Variants in TTC28 observed in about 807,000 individuals in gnomAD.
TTC28 encodes tetratricopeptide repeat protein 28.
Under a neutral mutation model 198.0 loss-of-function variants are expected in TTC28, and 61 were observed. The observed-to-expected ratio is 0.31, with a 90% confidence interval of 0.25 to 0.38. TTC28 has a LOEUF of 0.38. Among genes scored for constraint, TTC28 ranks in the 10% least tolerant of loss-of-function variants. The pLI is 1.00. For synonymous variants in TTC28, 1,171 were observed against 1,297.8 expected (o/e 0.90, Z 2.10); for missense variants, 2,678 against 3,164.0 (o/e 0.85, Z 3.69).
At chr22:28,001,866 G>T in intron 14 of TTC28, 1 of 313,680 alleles carries the variant, frequency 3.2e-6, no homozygotes, top group Non-Finnish European at 6.1e-6. Flanking sequence ...GTACCGCACA[G>T]GCACCCTGAG....
intron 3 of TTC28, among the ~76,000 whole-genome samples, chr22:28,302,748 C>G (rs368582908): frequency 6.6e-6 from 1 of 152,084 alleles, no homozygotes; most frequent in Non-Finnish European, 1.5e-5. Flanking sequence ...GATCTCAGCT[C>G]GCTGCAACCT....
intron 5 of TTC28, among the ~76,000 whole-genome samples, chr22:28,219,807 G>C (rs1927711910): frequency 6.6e-6 from 1 of 152,172 alleles, no homozygotes; most frequent in Non-Finnish European, 1.5e-5. Flanking sequence ...GAAAATGTTT[G>C]TATTTTCTGC....
intron 2 of TTC28, among the ~76,000 whole-genome samples, chr22:28,510,710 C>T (rs941137916): frequency 6.6e-6 from 1 of 152,104 alleles, no homozygotes; most frequent in Non-Finnish European, 1.5e-5. Context: ...GAGAAGAAGT[C>T]AAATTATCTT....
At chr22:28,608,305 C>T (rs1043354477) in intron 2 of TTC28, among the ~76,000 whole-genome samples, 37 of 152,008 alleles carry the variant, frequency 2.4e-4, no homozygotes, top group African/African-American at 8.9e-4. Context: ...TTCAAAATAC[C>T]CCACCCCCAG....
intron 6 of TTC28, among the ~76,000 whole-genome samples, chr22:28,126,627 C>T (rs1409984713): frequency 6.6e-6 from 1 of 152,194 alleles, no homozygotes. Flanking sequence ...ATAGGGTCAG[C>T]AAAGTAACTG....
intron 12 of TTC28, among the ~76,000 whole-genome samples, chr22:28,076,082 G>A (rs1041343009): frequency 1.2e-4 from 19 of 152,318 alleles, no homozygotes; most frequent in African/African-American, 4.1e-4. Context: ...AATAAAATAA[G>A]TGCCAAAATA....
chr22:28,124,982 C>G (rs1942879619), intron 6 of TTC28, among the ~76,000 whole-genome samples: 3 of 152,204 alleles, frequency 2.0e-5, no homozygotes, highest in Admixed American at 6.5e-5. Context: ...TAGCTTTCTT[C>G]TGTGTTCTTC....
intron 2 of TTC28, among the ~76,000 whole-genome samples, chr22:28,409,860 G>A (rs1426671530): frequency 5.9e-5 from 9 of 151,350 alleles, no homozygotes; most frequent in Admixed American, 5.3e-4. Context: ...GCTTCACCAT[G>A]TTGGCCAGGA....
chr22:28,154,877 T>C (rs1943717996), intron 6 of TTC28, among the ~76,000 whole-genome samples: 1 of 152,220 alleles, frequency 6.6e-6, no homozygotes, highest in Non-Finnish European at 1.5e-5. Flanking sequence ...CTTCTTTCTT[T>C]TTCTCCTTCT....
chr22:28,163,540 G>T lies in TTC28; in HGVS notation c.993C>A (p.Pro331=). ...GHVYTAIGDY[P]NALASHKQCV... ...ACTGTTTGTGACTGGCCAGTGCATT[G>T]GGGTAGTCTCCAATGGCTGTGTACA... Residue 331 remains proline (P), a synonymous_variant, in exon 6 of 23, where the codon CCC becomes CCA. Coordinates refer to ENST00000397906, the MANE Select transcript of TTC28 (RefSeq NM_001145418.2). The T allele has an allele frequency of 1.9e-6, 3 of 1,551,602 alleles. No homozygotes were observed. The highest frequency in any genetic ancestry group is 2.6e-6 in the Non-Finnish European group (3 of 1,146,958).
chr22:27,985,333 G>T lies in TTC28; in HGVS notation c.5731C>A (p.Gln1911Lys). 1 of 1,551,258 alleles carries T rather than the reference G, an allele frequency of 6.4e-7. No homozygotes were observed. The highest frequency in any genetic ancestry group is 1.2e-5 in the South Asian group (1 of 83,970). Residue 1911 changes from glutamine (Q) to lysine (K), a missense_variant, in exon 22 of 23, where the codon CAG becomes AAG. Gln to Lys is a moderately conservative substitution (Grantham distance 53). Coordinates refer to ENST00000397906, the MANE Select transcript of TTC28 (RefSeq NM_001145418.2). ...ALGFDLCEVG[Q>K]EEVILKTGKQ... Reference sequence around the variant, plus strand: ...CCGGTTTTCAGGATTACTTCCTCCTGACCAACTTCACAGAGATCAAAACCT... The same window carrying T: ...CCGGTTTTCAGGATTACTTCCTCCTTACCAACTTCACAGAGATCAAAACCT...
At chr22:28,674,913 GA>G (rs1410549401) in intron 1 of TTC28, among the ~76,000 whole-genome samples, 1 of 151,450 alleles carries the variant, frequency 6.6e-6, no homozygotes, top group Non-Finnish European at 1.5e-5. Flanking sequence ...AATCCATTTG[GA>G]AATATAAGGG....
At chr22:28,558,445 A>G (rs935070203) in intron 2 of TTC28, among the ~76,000 whole-genome samples, 2 of 152,166 alleles carry the variant, frequency 1.3e-5, no homozygotes, top group African/African-American at 4.8e-5. Context: ...AGGCAGAGGC[A>G]GGTGGATCAC....
At chr22:28,507,396 A>G (rs1049541027) in intron 2 of TTC28, among the ~76,000 whole-genome samples, 2 of 152,238 alleles carry the variant, frequency 1.3e-5, no homozygotes, top group African/African-American at 4.8e-5. Context: ...CCTCAAAGAA[A>G]TATGATATTA....
In TTC28 at chr22:28,019,801, C is replaced by T. The variant is rs539404994; in HGVS notation, c.4074-5409G>A. 9.8e-5 allele frequency among the ~76,000 whole-genome samples: 15 copies of T among 152,352 alleles called. 1 individual carries two copies. In the South Asian group the frequency reaches 3.1e-3, roughly 32 times the overall value. ...CTGGGCTCTAGAGAACAGTGCTTTT[C>T]GCTTGCTAGAATGGGAGCTTTGAAA... is the stretch of plus-strand genomic sequence containing the variant. On this transcript the variant is annotated intron_variant, in intron 13 of 22. Coordinates refer to ENST00000397906, the MANE Select transcript of TTC28 (RefSeq NM_001145418.2).
intron 5 of TTC28, among the ~76,000 whole-genome samples, chr22:28,181,608 C>T (rs576959202): frequency 1.3e-5 from 2 of 152,288 alleles, no homozygotes; most frequent in South Asian, 2.1e-4. Context: ...TAATTGCCAA[C>T]TTGCAGCCAA....
intron 12 of TTC28, among the ~76,000 whole-genome samples, chr22:28,088,240 T>C (rs912717315): frequency 6.6e-6 from 1 of 152,172 alleles, no homozygotes; most frequent in Non-Finnish European, 1.5e-5. Context: ...GCTGGAGGCA[T>C]CACGCTACCT....
intron 2 of TTC28, among the ~76,000 whole-genome samples, chr22:28,481,015 T>C (rs2048240470): frequency 6.6e-6 from 1 of 152,122 alleles, no homozygotes; most frequent in African/African-American, 2.4e-5. Context: ...AGCCAGCAAA[T>C]AGCAGAGATG....
intron 2 of TTC28, among the ~76,000 whole-genome samples, chr22:28,627,621 G>A (rs538410059): frequency 1.6e-4 from 24 of 151,802 alleles, no homozygotes; most frequent in Admixed American, 3.3e-4. Context: ...TAGTAGAGAC[G>A]GGGTTTCACC....
Sources: gnomAD v4.1 joint callset for allele counts (sites outside exome capture counted in the v4.1 genomes callset) on GRCh38, gnomAD v4.1.1 for gene constraint, MANE v1.5 for transcripts, NCBI Gene and HGNC (gene_info 2026-07-23, HGNC 2026-07-21) for gene names.